ACCS: variants seen among roughly 807,000 people sequenced by gnomAD.
The protein encoded by ACCS is 1-aminocyclopropane-1-carboxylate synthase homolog (inactive).
ACCS carries 42 observed loss-of-function variants against 59.8 expected under a neutral mutation model. The ratio of observed to expected loss-of-function variants is 0.70; its 90% confidence interval spans 0.55 to 0.91. The LOEUF (loss-of-function observed/expected upper bound fraction) is 0.91, where lower values mean the gene tolerates loss of function less well. ACCS is among the 40% of genes least tolerant of loss of function. ACCS has a pLI of 0.00. For missense variants in ACCS, 602 were observed against 630.4 expected (o/e 0.95, Z 0.48); for synonymous variants, 230 against 240.3 (o/e 0.96, Z 0.40).
intron 13 of ACCS, 38 bp from the exon 14 acceptor site, chr11:44,083,386 G>A (rs1454930941): frequency 1.9e-6 from 3 of 1,613,368 alleles, no homozygotes; most frequent in African/African-American, 2.7e-5. Flanking sequence ...GTTGGTGAGG[G>A]GTCTCAGCTA....
At position 44,077,922 on chromosome 11, in the gene ACCS, G is replaced by A. The variant is rs1283609314; in HGVS notation, c.732G>A (p.Glu244=). The A allele has an allele frequency of 1.9e-6, 3 of 1,613,696 alleles. No homozygotes were observed. Among genetic ancestry groups the A allele is most frequent in the South Asian group, 2.2e-5 (2 of 90,994 alleles). ...TGGCCCTGAGAGAAGCTCACTCTGA[G>A]GTCTGGGGATCAAATCAAACCTGAG... The part of the protein sequence containing the change: ...LEMALREAHS[E]GVKVKGLILI... Residue 244 remains glutamate, a splice_region_variant and synonymous_variant, in exon 8 of 15, where the codon GAG becomes GAA. Transcript: ENST00000263776.
Position 44,077,800 on chromosome 11 carries a change from A to G in ACCS, c.655-45A>G, listed in dbSNP as rs201006757. 5.4e-4 allele frequency: 860 copies of G among 1,603,698 alleles called. 2 individuals carry two copies. Among genetic ancestry groups the G allele is most frequent in the East Asian group, 7.4e-4 (33 of 44,758 alleles). Reference sequence around the variant, plus strand: ...GAGTTCATATGTATTTTGGGGGGCAATGGTCACTGAATGTGGCTGGTGGCT... The same window carrying G: ...GAGTTCATATGTATTTTGGGGGGCAGTGGTCACTGAATGTGGCTGGTGGCT... On this transcript the variant is annotated intron_variant, in intron 7 of 14. Transcript: ENST00000263776.
In ACCS at chr11:44,081,271, C is replaced by T. The variant is rs781525525; in HGVS notation, c.1062C>T (p.Gly354=). 1.2e-6 allele frequency: 2 copies of T among 1,614,262 alleles called. No individual in the cohort carries two copies. The highest frequency in any genetic ancestry group is 1.3e-5 in the African/African-American group (1 of 75,074). Residue 354 remains glycine, a synonymous_variant, in exon 12 of 15, where the codon GGC becomes GGT. Transcript: ENST00000263776. ...TGGCTTCCCTCTGCCGCTACCACGGCCTCAGTGGCTTGGTCCAGTACCAGA... is the reference window on the plus strand; with the variant it reads ...TGGCTTCCCTCTGCCGCTACCACGGTCTCAGTGGCTTGGTCCAGTACCAGA... ...TAVASLCRYH[G]LSGLVQYQMA... is the part of the protein sequence containing the mutation.
At chr11:44,080,859 C>A in intron 10 of ACCS, 161 bp from the exon 11 acceptor site, 1 of 825,672 alleles carries the variant, frequency 1.2e-6, no homozygotes, top group South Asian at 1.7e-5. Context: ...AACCCCTGCT[C>A]TAAAGGATGC....
chr11:44,078,041 G>C, intron 8 of ACCS, 119 bp downstream of exon 8: 1 of 1,265,356 alleles, frequency 7.9e-7, no homozygotes, highest in Non-Finnish European at 1.1e-6. Context: ...GATTGGGACA[G>C]ACAGGTAGGG....
Position 44,067,839 on chromosome 11 carries a change from A to C in ACCS, c.212A>C (p.Lys71Thr). ...SYLSSRGRMI[K>T]WFWDSAEEGY... is the part of the protein sequence containing the mutation. ...CTGTCCTCTAGAGGAAGAATGATTA[A>C]ATGGTTCTGGGATTCAGCTGAGGAG... The change falls in exon 2 of 15, where the codon AAA becomes ACA. Residue 71 changes from lysine to threonine, a missense_variant. Transcript: ENST00000263776. The C allele has an allele frequency of 1.9e-6, 3 of 1,614,066 alleles. No homozygotes were observed. The highest frequency in any genetic ancestry group is 2.5e-6 in the Non-Finnish European group (3 of 1,179,978).
chr11:44,075,689 G>A (rs754758487), intron 6 of ACCS, 97 bp downstream of exon 6: 4 of 1,418,126 alleles, frequency 2.8e-6, no homozygotes, highest in South Asian at 1.2e-5. Context: ...GTATGCTTTC[G>A]GGCACAATAG....
At chr11:44,069,721 G>A (rs1054287942) in intron 2 of ACCS, among the ~76,000 whole-genome samples, 2 of 152,206 alleles carry the variant, frequency 1.3e-5, no homozygotes, top group African/African-American at 2.4e-5. Flanking sequence ...TTGCCTCATG[G>A]CATGGTAGCT....
At chr11:44,077,615 G>C (rs1953436183) in intron 7 of ACCS, 1 of 1,436,440 alleles carries the variant, frequency 7.0e-7, no homozygotes, top group African/African-American at 1.4e-5. Context: ...CAGCAAGGTA[G>C]GAACAGAGCA....
intron 13 of ACCS, 24 bp downstream of exon 13, chr11:44,083,335 T>G (rs3107274): frequency 0.28 from 448,758 of 1,612,794 alleles, 63,686 homozygotes; most frequent in East Asian, 0.33. Context: ...AGGTGCGGGC[T>G]GAGAGGGAGT....
chr11:44,076,242 T>C (rs1953354843), intron 6 of ACCS, among the ~76,000 whole-genome samples: 1 of 152,212 alleles, frequency 6.6e-6, no homozygotes, highest in African/African-American at 2.4e-5. Flanking sequence ...TCAGGGGTTA[T>C]TGGTTGCAAG....
At chr11:44,081,460 T>C in intron 12 of ACCS, 140 bp downstream of exon 12, 1 of 1,359,046 alleles carries the variant, frequency 7.4e-7, no homozygotes, top group Non-Finnish European at 9.8e-7. Flanking sequence ...CCCGACTGGG[T>C]CCATACCCTA....
chr11:44,072,149 T>TTTATTTATTTATTTAG (rs1486400682), intron 3 of ACCS: 4 of 57,096 alleles, frequency 7.0e-5, no homozygotes, highest in Admixed American at 3.1e-4. Context: ...GGGAATAGAT[T>TTTATTTATTTATTTAG]TTATTTATTT....
intron 12 of ACCS, among the ~76,000 whole-genome samples, chr11:44,082,530 A>G (rs1953685847): frequency 6.6e-6 from 1 of 152,230 alleles, no homozygotes; most frequent in South Asian, 2.1e-4. Flanking sequence ...TACATGCTGT[A>G]TAATTCCAAT....
At chr11:44,067,380 A>G (rs560919079) in intron 1 of ACCS, 1 of 440,108 alleles carries the variant, frequency 2.3e-6, no homozygotes, top group South Asian at 3.8e-5. Context: ...ACGCTAAAGC[A>G]GCAATACATT....
chr11:44,082,296 G>C (rs1953675809), intron 12 of ACCS: 1 of 152,138 alleles, frequency 6.6e-6, no homozygotes, highest in South Asian at 2.1e-4. Flanking sequence ...TATTGACCTT[G>C]ATGGTCACCC....
chr11:44,074,041 T>A (rs1056114218), intron 4 of ACCS, among the ~76,000 whole-genome samples: 5 of 152,176 alleles, frequency 3.3e-5, no homozygotes, highest in African/African-American at 1.2e-4. Context: ...AGACTGATTG[T>A]AAAGCACGTG....
intron 7 of ACCS, 123 bp downstream of exon 7, chr11:44,077,499 T>A: frequency 2.7e-6 from 4 of 1,505,356 alleles, no homozygotes; most frequent in Non-Finnish European, 3.5e-6. Flanking sequence ...GAATGGAGCC[T>A]TCTGTTGCTG....
At position 44,081,057 on chromosome 11, in the gene ACCS, A is replaced by G; in HGVS notation, c.961A>G (p.Thr321Ala). Reference sequence around the variant, plus strand: ...CCAGAGGACCCATGTGATGTGGGCAACCAGCAAGGTGAGTTCCTGGCTGGC... The same window carrying G: ...CCAGAGGACCCATGTGATGTGGGCAGCCAGCAAGGTGAGTTCCTGGCTGGC... ...DPQRTHVMWATSKDFGMSGLR... is the reference protein window; with the variant it reads ...DPQRTHVMWAASKDFGMSGLR... The change falls in exon 11 of 15, where the codon ACC (threonine) becomes GCC (alanine). Residue 321 changes from threonine (T) to alanine (A), a missense_variant. Thr to Ala is a moderately conservative substitution (Grantham distance 58). Coordinates refer to ENST00000263776, the MANE Select transcript of ACCS (RefSeq NM_032592.4). 1 of 1,614,138 alleles carries G rather than the reference A, an allele frequency of 6.2e-7. No individual in the cohort carries two copies.
Sources: gnomAD v4.1 joint callset for allele counts (sites outside exome capture counted in the v4.1 genomes callset) on GRCh38, gnomAD v4.1.1 for gene constraint, MANE v1.5 for transcripts, NCBI Gene and HGNC (gene_info 2026-07-23, HGNC 2026-07-21) for gene names.